Variants in ALK observed in about 807,000 individuals in gnomAD.
ALK encodes ALK tyrosine kinase receptor.
ALK carries 74 observed loss-of-function variants against 163.1 expected under a neutral mutation model. That is an observed-to-expected ratio of 0.45 (90% CI 0.38 to 0.55). The LOEUF (loss-of-function observed/expected upper bound fraction) is 0.55. ALK is among the 20% of genes least tolerant of loss of function. ALK has a pLI of 0.00. For synonymous variants in ALK, 960 were observed against 843.2 expected, an observed-to-expected ratio of 1.14 and a Z score of -2.40; for missense variants, 2,063 against 2,105.3, an observed-to-expected ratio of 0.98 and a Z score of 0.39.
intron 1 of ALK, among the ~76,000 whole-genome samples, chr2:29,788,706 G>A (rs550395604): frequency 1.0e-3 from 158 of 152,352 alleles, no homozygotes; most frequent in Middle Eastern, 3.4e-3. Context: ...TTCTGCAGCT[G>A]TAGGACAGGT....
At chr2:29,662,649 T>C (rs948990283) in intron 3 of ALK, among the ~76,000 whole-genome samples, 2 of 152,140 alleles carry the variant, frequency 1.3e-5, no homozygotes, top group Non-Finnish European at 2.9e-5. Flanking sequence ...ACAACAACCC[T>C]CTGGTAAGAA....
chr2:29,517,043 ACTT>A (rs140514952), intron 4 of ALK, among the ~76,000 whole-genome samples: 17,573 of 152,240 alleles, frequency 0.12, 1,347 homozygotes, highest in Non-Finnish European at 0.18. Context: ...TTTATTGAAT[ACTT>A]CTTCTGTGTC....
At chr2:29,235,908 A>C in intron 13 of ALK, among the ~76,000 whole-genome samples, 1 of 98,972 alleles carries the variant, frequency 1.0e-5, no homozygotes, top group Non-Finnish European at 1.9e-5. Flanking sequence ...GGGTCTTGCT[A>C]TGTTGCCCAG....
intron 4 of ALK, among the ~76,000 whole-genome samples, chr2:29,435,331 C>T (rs759666543): frequency 5.3e-5 from 8 of 152,160 alleles, no homozygotes; most frequent in Non-Finnish European, 7.3e-5. Flanking sequence ...TAGGAGTCTT[C>T]AGCACCATCC....
chr2:29,427,785 A>G (rs1228281404), intron 4 of ALK, among the ~76,000 whole-genome samples: 3 of 152,156 alleles, frequency 2.0e-5, no homozygotes, highest in Non-Finnish European at 2.9e-5. Context: ...ACAGAAACCC[A>G]AAATCTGTCT....
chr2:29,570,259 G>A (rs1674320554), intron 3 of ALK, among the ~76,000 whole-genome samples: 3 of 152,334 alleles, frequency 2.0e-5, no homozygotes, highest in African/African-American at 7.2e-5. Flanking sequence ...TAAAGAAATA[G>A]GAGCGATCAA....
intron 4 of ALK, among the ~76,000 whole-genome samples, chr2:29,446,538 T>G (rs971676316): frequency 6.6e-6 from 1 of 152,214 alleles, no homozygotes. Context: ...CTGTGTCTAT[T>G]GACCCCTGGA....
At chr2:29,537,205 A>T (rs1352159221) in intron 3 of ALK, among the ~76,000 whole-genome samples, 1 of 152,218 alleles carries the variant, frequency 6.6e-6, no homozygotes, top group African/African-American at 2.4e-5. Context: ...AATATCCAAG[A>T]CAATAAAAAA....
intron 4 of ALK, among the ~76,000 whole-genome samples, chr2:29,404,571 G>A (rs1669534979): frequency 6.6e-6 from 1 of 152,196 alleles, no homozygotes; most frequent in Admixed American, 6.5e-5. Context: ...GAAAACTGCA[G>A]AGTAGTATGA....
intron 4 of ALK, among the ~76,000 whole-genome samples, chr2:29,500,187 G>C (rs1672131193): frequency 6.6e-6 from 1 of 152,294 alleles, no homozygotes; most frequent in East Asian, 1.9e-4. Flanking sequence ...CAGTGTTGGA[G>C]GTGGGACCTG....
At chr2:29,333,432 C>T (rs1667511737) in intron 5 of ALK, among the ~76,000 whole-genome samples, 1 of 152,120 alleles carries the variant, frequency 6.6e-6, no homozygotes, top group Non-Finnish European at 1.5e-5. Flanking sequence ...TCTCACATTA[C>T]TAGCTTTTTT....
intron 1 of ALK, among the ~76,000 whole-genome samples, chr2:29,894,330 C>G (rs941477049): frequency 6.6e-6 from 1 of 152,086 alleles, no homozygotes; most frequent in South Asian, 2.1e-4. Flanking sequence ...ATCCAGGAGT[C>G]CTGAGCTCCT....
intron 1 of ALK, among the ~76,000 whole-genome samples, chr2:29,736,567 C>A (rs1679897952): frequency 6.6e-6 from 1 of 151,950 alleles, no homozygotes. Flanking sequence ...ATTAATGAAG[C>A]AATGTTTCCT....
chr2:29,432,902 C>T (rs1054738882), intron 4 of ALK, among the ~76,000 whole-genome samples: 2 of 152,200 alleles, frequency 1.3e-5, no homozygotes, highest in Admixed American at 1.3e-4. Flanking sequence ...TTAGTTCTAA[C>T]TCCAGCTCTC....
chr2:29,340,883 C>T (rs1667770480), intron 5 of ALK, among the ~76,000 whole-genome samples: 1 of 152,166 alleles, frequency 6.6e-6, no homozygotes, highest in African/African-American at 2.4e-5. Flanking sequence ...CATCGTCTCT[C>T]CTTTCCTTGC....
chr2:29,392,528 T>C (rs1381636446), intron 4 of ALK, among the ~76,000 whole-genome samples: 2 of 152,196 alleles, frequency 1.3e-5, no homozygotes, highest in African/African-American at 4.8e-5. Flanking sequence ...ATTCCTTTTC[T>C]ACTCGACCTC....
intron 4 of ALK, among the ~76,000 whole-genome samples, chr2:29,438,202 C>A (rs1480214141): frequency 6.6e-6 from 1 of 152,166 alleles, no homozygotes; most frequent in African/African-American, 2.4e-5. Context: ...TGAGGAAGAC[C>A]TGCAGGTATT....
intron 5 of ALK, among the ~76,000 whole-genome samples, chr2:29,382,434 T>A (rs767113458): frequency 6.6e-6 from 1 of 152,192 alleles, no homozygotes; most frequent in African/African-American, 2.4e-5. Context: ...GCAAAGAATT[T>A]TTTTCAGGTC....
At chr2:29,574,112 A>G (rs1371015364) in intron 3 of ALK, among the ~76,000 whole-genome samples, 16 of 152,204 alleles carry the variant, frequency 1.1e-4, no homozygotes, top group Admixed American at 1.0e-3. Flanking sequence ...GGAGCAGAAC[A>G]AGTAAGTCCC....
Sources: gnomAD v4.1 joint callset for allele counts (sites outside exome capture counted in the v4.1 genomes callset) on GRCh38, gnomAD v4.1.1 for gene constraint, MANE v1.5 for transcripts, NCBI Gene and HGNC (gene_info 2026-07-23, HGNC 2026-07-21) for gene names.